Variants in TAOK1 observed in about 807,000 individuals in gnomAD.
The protein encoded by TAOK1 is serine/threonine-protein kinase TAO1.
TAOK1 carries 21 observed loss-of-function variants against 138.3 expected under a neutral mutation model. The ratio of observed to expected loss-of-function variants is 0.15; its 90% CI spans 0.11 to 0.22. The LOEUF is 0.22. Ranked by LOEUF, TAOK1 falls within the 10% of genes least tolerant of loss-of-function variation. TAOK1 has a pLI of 1.00. For missense variants in TAOK1, 651 were observed against 1,227.7 expected (o/e 0.53, Z 7.02); for synonymous variants, 361 against 398.4 (o/e 0.91, Z 1.12).
At chr17:29,533,605 G>A (rs2032168261) in intron 18 of TAOK1, among the ~76,000 whole-genome samples, 2 of 152,174 alleles carry the variant, frequency 1.3e-5, no homozygotes, top group African/African-American at 4.8e-5. Context: ...TCGGGAGGCG[G>A]AGGCTGGCGG....
chr17:29,413,881 CTTTTTTTTT>C (rs34539579), intron 1 of TAOK1, among the ~76,000 whole-genome samples: 100 of 101,246 alleles, frequency 9.9e-4, no homozygotes, highest in African/African-American at 3.7e-3. Context: ...TTTCTGGCTT[CTTTTTTTTT>C]TTTTTTTTTT....
At chr17:29,517,724 C>T (rs188923758) in intron 16 of TAOK1, 68 bp downstream of exon 16, 12 of 1,446,988 alleles carry the variant, frequency 8.3e-6, no homozygotes, top group Non-Finnish European at 1.1e-5. Flanking sequence ...TATTCCAATT[C>T]CATTCTAGTC....
rs1212697547 is a variant in TAOK1 at position 29,532,997 on chromosome 17, C to T, written c.2362-1121C>T. On this transcript the variant is annotated intron_variant, in intron 18 of 19. Transcript: ENST00000261716. ...TGGCCGGGCAGGGGGCTGACCCCCC[C>T]ACCTCCAACCGGGCGGGGGGCTGAC... Among the ~76,000 whole-genome samples the T allele has an allele frequency of 7.1e-4, 2 of 2,816 alleles. 1 individual carries two copies. The highest frequency in any genetic ancestry group is 0.056 in the East Asian group (2 of 36). The allele number at this position is 2,816 out of a possible 152,430, so 1.8% of individuals were successfully genotyped here. A position where few individuals can be genotyped will look rare whatever the true frequency, so the allele number is the denominator to read the frequency against.
At chr17:29,425,856 A>T (rs1905619623) in intron 1 of TAOK1, among the ~76,000 whole-genome samples, 1 of 152,134 alleles carries the variant, frequency 6.6e-6, no homozygotes, top group African/African-American at 2.4e-5. Context: ...TTACATAAGA[A>T]TGAATCAGGT....
chr17:29,478,951 C>A (rs1410251257), intron 6 of TAOK1, among the ~76,000 whole-genome samples: 1 of 152,042 alleles, frequency 6.6e-6, no homozygotes, highest in Non-Finnish European at 1.5e-5. Flanking sequence ...ATGGTAAAAC[C>A]TCGTCTCCAC....
chr17:29,426,937 G>C (rs576725235), intron 1 of TAOK1, among the ~76,000 whole-genome samples: 1 of 152,134 alleles, frequency 6.6e-6, no homozygotes, highest in African/African-American at 2.4e-5. Flanking sequence ...CCAATATGGT[G>C]ACCCCTAGCT....
At chr17:29,512,202 T>G (rs962887872) in intron 15 of TAOK1, 1 of 138,366 alleles carries the variant, frequency 7.2e-6, no homozygotes, top group Admixed American at 7.3e-5. Context: ...ATTACAGGTG[T>G]GTGCCACCAT....
rs568298878 is a variant in TAOK1 at position 29,407,347 on chromosome 17, G to T, written c.-95+16323G>T. Among the ~76,000 whole-genome samples the T allele has an allele frequency of 3.3e-5, 5 of 152,150 alleles. No individual in the cohort carries two copies. The South Asian group carries it at 1.0e-3, about 32-fold the overall frequency. ...TCTTTCTTACTGCTTTTAACAGTAGGTGTCTCTCAACACAATGCTCTTCTC... is the reference window on the plus strand; with the variant it reads ...TCTTTCTTACTGCTTTTAACAGTAGTTGTCTCTCAACACAATGCTCTTCTC... On this transcript the variant is annotated intron_variant, in intron 1 of 19. Coordinates refer to ENST00000261716, the MANE Select transcript of TAOK1 (RefSeq NM_020791.4).
At chr17:29,528,947 A>T (rs2032059077) in intron 17 of TAOK1, among the ~76,000 whole-genome samples, 1 of 148,600 alleles carries the variant, frequency 6.7e-6, no homozygotes, top group Non-Finnish European at 1.5e-5. Flanking sequence ...ATATTGTCTC[A>T]CCAATAAAGT....
At position 29,547,213 on chromosome 17, in the gene TAOK1, T is replaced by C. The variant is rs993409715; in HGVS notation, c.*4191T>C. 9 of 152,132 alleles carry C rather than the reference T, an allele frequency of 5.9e-5. No individual in the cohort carries two copies. Among genetic ancestry groups the C allele is most frequent in the Non-Finnish European group, 1.0e-4 (7 of 67,986 alleles). The allele number at this position is 152,132 out of a possible 1,614,324, so 9.4% of individuals were successfully genotyped here. On this transcript the variant is annotated 3_prime_UTR_variant, in exon 20 of 20. Transcript: ENST00000261716. ...GTGATACCATTGATCCTCTTACTTT[T>C]TTTACTCCATTAATACTAATAATTA... is the stretch of plus-strand genomic sequence containing the variant.
intron 12 of TAOK1, among the ~76,000 whole-genome samples, chr17:29,500,601 TGTG>T (rs1417336541): frequency 2.0e-5 from 3 of 151,372 alleles, no homozygotes; most frequent in Admixed American, 6.6e-5. Context: ...ATTAGCCAGG[TGTG>T]GTGGCACACA....
chr17:29,476,330 G>A (rs1261472492), intron 4 of TAOK1, among the ~76,000 whole-genome samples: 1 of 152,180 alleles, frequency 6.6e-6, no homozygotes. Context: ...TATACGTACT[G>A]TAGATTTAGA....
intron 1 of TAOK1, among the ~76,000 whole-genome samples, chr17:29,438,216 G>A (rs1406993078): frequency 6.6e-6 from 1 of 152,040 alleles, no homozygotes; most frequent in African/African-American, 2.4e-5. Context: ...TTTTTCGAAT[G>A]TTCCAATATT....
intron 9 of TAOK1, among the ~76,000 whole-genome samples, chr17:29,490,047 T>C (rs1004999352): frequency 6.6e-6 from 1 of 152,040 alleles, no homozygotes; most frequent in Non-Finnish European, 1.5e-5. Flanking sequence ...GAATACCTAA[T>C]CCTAATTAAA....
intron 9 of TAOK1, among the ~76,000 whole-genome samples, chr17:29,490,961 G>A (rs745604627): frequency 4.6e-5 from 7 of 152,082 alleles, no homozygotes; most frequent in African/African-American, 7.2e-5. Flanking sequence ...TGAACAACTC[G>A]CATTAGGCCC....
At chr17:29,477,512 T>C in intron 4 of TAOK1, 149 bp from the exon 5 acceptor site, 1 of 266,654 alleles carries the variant, frequency 3.8e-6, no homozygotes, top group Non-Finnish European at 7.0e-6. Flanking sequence ...CTGAGTAATA[T>C]CTATATAACT....
chr17:29,480,248 C>A, intron 6 of TAOK1, 120 bp from the exon 7 acceptor site: 1 of 611,190 alleles, frequency 1.6e-6, no homozygotes, highest in Non-Finnish European at 2.6e-6. Flanking sequence ...GAGATTACCC[C>A]AGCACTTAAT....
At chr17:29,534,034 A>T in intron 18 of TAOK1, 84 bp from the exon 19 acceptor site, 31 of 1,320,944 alleles carry the variant, frequency 2.3e-5, no homozygotes, top group Non-Finnish European at 3.0e-5. Context: ...GTCTTCTAAC[A>T]CTCCTCCTCC....
rs1174005258 is a variant in TAOK1 at position 29,542,876 on chromosome 17, G to A, written c.2860G>A (p.Val954Ile). Residue 954 changes from valine (V) to isoleucine (I), a missense_variant, in exon 20 of 20, where the codon GTA becomes ATA. This residue lies in a region of TAOK1 where 108 missense variants were observed against 120.3 expected (regional missense o/e 0.90). Coordinates refer to ENST00000261716, the MANE Select transcript of TAOK1 (RefSeq NM_020791.4). ...TCACCCTTCAGGGCCAATGCAAGGG[G>A]TACCTCGAGGTAGCAGTATGGGAGT... ...WGHPSGPMQG[V>I]PRGSSMGVRN... 6 of 1,613,978 alleles carry A rather than the reference G, an allele frequency of 3.7e-6. No homozygotes were observed. The African/African-American group carries it at 4.0e-5, about 11-fold the overall frequency.
Sources: allele counts gnomAD v4.1 joint callset (sites outside exome capture counted in the v4.1 genomes callset), GRCh38; gene constraint gnomAD v4.1.1; regional missense constraint gnomAD v4.1.1; transcripts MANE v1.5; gene names NCBI Gene and HGNC (gene_info 2026-07-23, HGNC 2026-07-21).